PSD3: variants seen among roughly 807,000 people sequenced by gnomAD.
The protein encoded by PSD3 is PH and SEC7 domain-containing protein 3.
PSD3 carries 49 observed loss-of-function variants against 105.5 expected under a neutral mutation model. The observed-to-expected ratio is 0.46, with a 90% CI of 0.37 to 0.59. The LOEUF (loss-of-function observed/expected upper bound fraction) is 0.59, where lower values mean the gene tolerates loss of function less well. PSD3 is among the 20% of genes least tolerant of loss of function. PSD3 has a pLI of 0.00. For synonymous variants in PSD3, 557 were observed against 457.8 expected (o/e 1.22, Z -2.77); for missense variants, 1,561 against 1,263.8 (o/e 1.24, Z -3.57).
intron 10 of PSD3, among the ~76,000 whole-genome samples, chr8:18,643,891 G>A (rs908636756): frequency 6.6e-6 from 1 of 152,226 alleles, no homozygotes; most frequent in Non-Finnish European, 1.5e-5. Flanking sequence ...TGCTGCTAAG[G>A]TTTATGGCTT....
intron 9 of PSD3, among the ~76,000 whole-genome samples, chr8:18,677,116 A>C (rs900960985): frequency 2.6e-5 from 4 of 152,246 alleles, no homozygotes; most frequent in African/African-American, 9.6e-5. Flanking sequence ...CATTTGAGCA[A>C]TCTTAAAAAA....
intron 4 of PSD3, among the ~76,000 whole-genome samples, chr8:18,837,422 T>C (rs1814202173): frequency 1.3e-5 from 2 of 152,164 alleles, no homozygotes; most frequent in South Asian, 4.1e-4. Flanking sequence ...AACATTCCTA[T>C]GCATACGCCA....
rs1319058676 is a variant in PSD3 at position 18,594,217 on chromosome 8, T to A, written c.2481+6147A>T. Among the ~76,000 whole-genome samples the A allele has an allele frequency of 7.8e-4, 4 of 5,124 alleles. 1 individual carries two copies. The highest frequency in any genetic ancestry group is 0.015 in the South Asian group (1 of 68). 3.4% of individuals were successfully genotyped at this position (5,124 alleles called of 152,430 possible). A position where few individuals can be genotyped will look rare whatever the true frequency, so the allele number is the denominator to read the frequency against. On this transcript the variant is annotated intron_variant, in intron 12 of 15. Coordinates refer to ENST00000327040, the MANE Select transcript of PSD3 (RefSeq NM_015310.4). The stretch of plus-strand genomic sequence containing the variant: ...ATACATATTATATAATATATATTAT[T>A]ATATATATTATATAATATATATTAT...
rs1267476629 is a variant in PSD3, at chr8:18,527,359, T to C, written c.*8384A>G. 6.5e-6 allele frequency: 1 copy of C among 152,684 alleles called. No individual in the cohort carries two copies. Among genetic ancestry groups the C allele is most frequent in the Admixed American group, 6.5e-5 (1 of 15,284 alleles). 9.5% of individuals were successfully genotyped at this position (152,684 alleles called of 1,614,324 possible). A position where few individuals can be genotyped will look rare whatever the true frequency, so the allele number is the denominator to read the frequency against. ...AAAGTTTGTACATTTACATGTATCA[T>C]ATACATATTTTAAATCCTTCACTAT... On this transcript the variant is annotated 3_prime_UTR_variant, in exon 16 of 16. Transcript: ENST00000327040.
Position 19,032,321 on chromosome 8 carries a change from T to C in PSD3, c.324+51885A>G, listed in dbSNP as rs1403387145. ...TATCTGCCTATCACTCGTGTTCATA[T>C]GTTAAATAAAATATTTAGAAACAAA... On this transcript the variant is annotated intron_variant, in intron 1 of 1. Transcript: ENST00000521475. Among the ~76,000 whole-genome samples the C allele has an allele frequency of 3.3e-5, 5 of 152,194 alleles. No homozygotes were observed. The East Asian group carries it at 7.7e-4, about 23-fold the overall frequency.
intron 15 of PSD3, among the ~76,000 whole-genome samples, chr8:18,550,430 A>T (rs1219248101): frequency 6.6e-6 from 1 of 152,224 alleles, no homozygotes; most frequent in Non-Finnish European, 1.5e-5. Flanking sequence ...TTGATCTTAC[A>T]TCTCTAGCTT....
intron 4 of PSD3, among the ~76,000 whole-genome samples, chr8:18,832,893 C>A (rs1052609459): frequency 6.6e-6 from 1 of 152,136 alleles, no homozygotes; most frequent in Admixed American, 6.5e-5. Flanking sequence ...CACCAGGTGC[C>A]TCCCATGACA....
At chr8:18,952,950 A>G (rs572349827) in intron 1 of PSD3, among the ~76,000 whole-genome samples, 4 of 152,336 alleles carry the variant, frequency 2.6e-5, no homozygotes, top group Admixed American at 2.0e-4. Flanking sequence ...ATAAGCAAAG[A>G]TAAAAGACAT....
At chr8:18,605,809 T>A (rs1804785208) in intron 11 of PSD3, among the ~76,000 whole-genome samples, 1 of 152,104 alleles carries the variant, frequency 6.6e-6, no homozygotes, top group African/African-American at 2.4e-5. Context: ...TGAGATCTGG[T>A]TGTTTAAAAG....
intron 9 of PSD3, chr8:18,763,025 C>G (rs1585879848): frequency 1.5e-6 from 1 of 670,984 alleles, no homozygotes; most frequent in African/African-American, 1.9e-5. Flanking sequence ...TCCCACAACA[C>G]CTAGTAAACA....
At chr8:18,602,467 C>T (rs1804505627) in intron 11 of PSD3, among the ~76,000 whole-genome samples, 1 of 152,022 alleles carries the variant, frequency 6.6e-6, no homozygotes, top group African/African-American at 2.4e-5. Flanking sequence ...TTAACCTTAT[C>T]TTTGGCCAGT....
intron 14 of PSD3, among the ~76,000 whole-genome samples, chr8:18,568,125 C>T (rs762388414): frequency 1.3e-5 from 2 of 152,080 alleles, no homozygotes; most frequent in Non-Finnish European, 1.5e-5. Flanking sequence ...TGCCATGCTT[C>T]GTGTATAGCC....
chr8:18,618,181 A>AGCCGTATTTGATTGC (rs780571336), intron 11 of PSD3, among the ~76,000 whole-genome samples: 25 of 151,942 alleles, frequency 1.6e-4, no homozygotes, highest in Middle Eastern at 3.4e-3. Context: ...GCAATTGACA[A>AGCCGTATTTGATTGC]TCAGGAAATC....
intron 2 of PSD3, among the ~76,000 whole-genome samples, chr8:18,874,753 TCA>T (rs1271057828): frequency 2.1e-5 from 3 of 146,232 alleles, no homozygotes; most frequent in African/African-American, 5.0e-5. Context: ...CTTGGAAACA[TCA>T]GTTATCCTAA....
intron 1 of PSD3, chr8:19,001,800 G>T: frequency 6.3e-6 from 1 of 158,166 alleles, no homozygotes; most frequent in East Asian, 1.8e-4. Flanking sequence ...TGACCAAAGA[G>T]TATCCAACCA....
At chr8:18,562,057 G>C (rs1355253363) in intron 14 of PSD3, among the ~76,000 whole-genome samples, 1 of 152,172 alleles carries the variant, frequency 6.6e-6, no homozygotes, top group Non-Finnish European at 1.5e-5. Flanking sequence ...GCTCCAAGAG[G>C]GAAAGGAGGA....
intron 4 of PSD3, among the ~76,000 whole-genome samples, chr8:18,852,952 C>T (rs1195164959): frequency 2.6e-5 from 4 of 152,106 alleles, no homozygotes; most frequent in African/African-American, 9.7e-5. Context: ...TATTATCATT[C>T]CTATTTCATA....
intron 1 of PSD3, among the ~76,000 whole-genome samples, chr8:19,056,671 T>C (rs1035153888): frequency 2.6e-5 from 4 of 152,218 alleles, no homozygotes; most frequent in African/African-American, 9.6e-5. Flanking sequence ...ACTCTGTCGC[T>C]GGTTTTCTAG....
intron 1 of PSD3, among the ~76,000 whole-genome samples, chr8:18,945,558 T>G (rs2129469673): frequency 6.6e-6 from 1 of 152,324 alleles, no homozygotes; most frequent in Middle Eastern, 3.4e-3. Flanking sequence ...CTCTGTTGCT[T>G]TAAGCCACCA....
Sources: allele counts gnomAD v4.1 joint callset (sites outside exome capture counted in the v4.1 genomes callset), GRCh38; gene constraint gnomAD v4.1.1; transcripts MANE v1.5; gene names NCBI Gene and HGNC (gene_info 2026-07-23, HGNC 2026-07-21).